The following TMEM245 variants were observed in gnomAD, a reference collection of about 807,000 sequenced individuals.
TMEM245 encodes the protein transmembrane protein 245, also known as protein CG-2.
Under a neutral mutation model 101.2 loss-of-function variants are expected in TMEM245, and 69 were observed. That is an observed-to-expected ratio of 0.68 (90% CI 0.56 to 0.83). The LOEUF (loss-of-function observed/expected upper bound fraction) is 0.83, where lower values mean the gene tolerates loss of function less well. Among genes scored for constraint, TMEM245 ranks in the 40% least tolerant of loss-of-function variants. TMEM245 has a pLI of 0.00. For synonymous variants in TMEM245, 537 were observed against 449.8 expected (o/e 1.19, Z -2.45); for missense variants, 1,075 against 1,092.8 (o/e 0.98, Z 0.23).
At chr9:109,046,027 G>A (rs563675375) in intron 14 of TMEM245, among the ~76,000 whole-genome samples, 1 of 152,146 alleles carries the variant, frequency 6.6e-6, no homozygotes, top group East Asian at 1.9e-4. Flanking sequence ...TTTACTAAAT[G>A]ATCATTGCTG....
chr9:109,032,807 C>CTTTTTTTTTT (rs568749155), intron 17 of TMEM245, among the ~76,000 whole-genome samples: 2 of 123,160 alleles, frequency 1.6e-5, no homozygotes, highest in African/African-American at 5.9e-5. Flanking sequence ...CAATATAGGT[C>CTTTTTTTTTT]TTTTTTTTTT....
At chr9:109,093,695 A>G (rs1830067025) in intron 3 of TMEM245, 104 bp from the exon 4 acceptor site, 2 of 887,834 alleles carry the variant, frequency 2.3e-6, no homozygotes, top group Non-Finnish European at 3.7e-6. Flanking sequence ...TAAAATGGTT[A>G]CTACTGACCC....
intron 9 of TMEM245, among the ~76,000 whole-genome samples, chr9:109,071,232 T>C (rs1008807031): frequency 8.5e-5 from 13 of 152,086 alleles, no homozygotes; most frequent in African/African-American, 3.1e-4. Flanking sequence ...GTATCATTAG[T>C]CCATTTTTTT....
intron 12 of TMEM245, among the ~76,000 whole-genome samples, chr9:109,053,840 T>A (rs1027542686): frequency 1.3e-5 from 2 of 152,164 alleles, no homozygotes; most frequent in Non-Finnish European, 2.9e-5. Context: ...GAGGTCTAAA[T>A]AAGGAAAAAT....
In TMEM245 at chr9:109,050,360, C is replaced by T; in HGVS notation, c.2046G>A (p.Trp682Ter). The change falls in exon 14 of 18, where the codon TGG (tryptophan) becomes TGA (stop). Residue 682 changes from tryptophan to a stop codon, truncating the protein, a stop_gained. Coordinates refer to ENST00000374586, the MANE Select transcript of TMEM245 (RefSeq NM_032012.4). LOFTEE classifies it high-confidence loss of function. The stretch of plus-strand genomic sequence containing the variant: ...GAGATAGTGGAGTCAGGCTTATCAC[C>T]CACTTCACTGGCTTGTAGTACTCAT... Reference protein sequence around the residue: ...SSDEYYKPVKWVISLTPLSQP... With the variant: ...SSDEYYKPVK 1 of 1,614,042 alleles carries T rather than the reference C, an allele frequency of 6.2e-7. No homozygotes were observed. Among genetic ancestry groups the T allele is most frequent in the Admixed American group, 1.7e-5 (1 of 59,980 alleles).
chr9:109,051,994 G>A (rs1828700491), intron 12 of TMEM245, among the ~76,000 whole-genome samples: 1 of 152,156 alleles, frequency 6.6e-6, no homozygotes, highest in African/African-American at 2.4e-5. Context: ...CGTCTACTGA[G>A]TTCAGCTGAT....
chr9:109,087,586 T>C (rs1402330015), intron 5 of TMEM245, among the ~76,000 whole-genome samples: 2 of 152,130 alleles, frequency 1.3e-5, no homozygotes, highest in Admixed American at 6.5e-5. Context: ...TGAATCCTTG[T>C]AGAGTCAGGG....
chr9:109,050,009 C>A (rs1368926415), intron 14 of TMEM245, among the ~76,000 whole-genome samples: 1 of 152,146 alleles, frequency 6.6e-6, no homozygotes, highest in Non-Finnish European at 1.5e-5. Flanking sequence ...CCAGGCTGAT[C>A]TCAGACTCCT....
At chr9:109,086,220 G>C (rs1202185245) in intron 6 of TMEM245, among the ~76,000 whole-genome samples, 200 bp from the exon 7 acceptor site, 1 of 152,166 alleles carries the variant, frequency 6.6e-6, no homozygotes, top group Non-Finnish European at 1.5e-5. Flanking sequence ...GATATATAAT[G>C]ATTGAAATGA....
chr9:109,073,101 T>C (rs1829384102), intron 9 of TMEM245: 2 of 438,082 alleles, frequency 4.6e-6, no homozygotes, highest in Non-Finnish European at 8.4e-6. Flanking sequence ...GCTTTGTAAA[T>C]TATAAACATG....
Position 109,017,596 on chromosome 9 carries a change from T to G in TMEM245, c.*2864A>C, listed in dbSNP as rs1267984231. 1 of 152,250 alleles carries G rather than the reference T, an allele frequency of 6.6e-6. No homozygotes were observed. The highest frequency in any genetic ancestry group is 1.5e-5 in the Non-Finnish European group (1 of 68,042). 9.4% of individuals were successfully genotyped at this position (152,250 alleles called of 1,614,324 possible). A position where few individuals can be genotyped will look rare whatever the true frequency, so the allele number is the denominator to read the frequency against. On this transcript the variant is annotated 3_prime_UTR_variant, in exon 18 of 18. Transcript: ENST00000374586. ...TTACAACTGAATAGCGAATGTGAAC[T>G]TGAAACTAATCTTTAATAAATCTAT... is the stretch of plus-strand genomic sequence containing the variant.
At chr9:109,059,053 T>A (rs1324876233) in intron 11 of TMEM245, among the ~76,000 whole-genome samples, 1 of 152,160 alleles carries the variant, frequency 6.6e-6, no homozygotes, top group Non-Finnish European at 1.5e-5. Context: ...CTGACCTTCC[T>A]CTACTATAAA....
intron 14 of TMEM245, among the ~76,000 whole-genome samples, chr9:109,040,739 G>A (rs1235988306): frequency 6.6e-6 from 1 of 152,156 alleles, no homozygotes; most frequent in African/African-American, 2.4e-5. Flanking sequence ...ATGCTTTTGA[G>A]CTTCACCAAC....
chr9:109,080,588 T>C (rs921052972), intron 8 of TMEM245, among the ~76,000 whole-genome samples: 3 of 152,052 alleles, frequency 2.0e-5, no homozygotes, highest in Non-Finnish European at 2.9e-5. Flanking sequence ...CATTATCTCA[T>C]TTTTTTCATT....
intron 12 of TMEM245, among the ~76,000 whole-genome samples, chr9:109,056,905 C>T (rs1211779171): frequency 6.6e-6 from 1 of 152,160 alleles, no homozygotes; most frequent in African/African-American, 2.4e-5. Flanking sequence ...TCCATCTGGT[C>T]AAGGGTCTTC....
In TMEM245 at chr9:109,020,159, C is replaced by A; in HGVS notation, c.*301G>T. On this transcript the variant is annotated 3_prime_UTR_variant, in exon 18 of 18. Coordinates refer to ENST00000374586, the MANE Select transcript of TMEM245 (RefSeq NM_032012.4). ...ATATATAATATAGTAACATAGATAA[C>A]CAAAGTGGAAAAATTTCAAGCCAGG... The A allele has an allele frequency of 3.2e-6, 1 of 317,194 alleles. No homozygotes were observed. The highest frequency in any genetic ancestry group is 6.0e-6 in the Non-Finnish European group (1 of 167,458). The allele number at this position is 317,194 out of a possible 1,614,324, so 19.6% of individuals were successfully genotyped here.
intron 5 of TMEM245, among the ~76,000 whole-genome samples, chr9:109,087,961 G>A (rs1055635052): frequency 1.1e-4 from 16 of 152,170 alleles, no homozygotes; most frequent in African/African-American, 3.1e-4. Context: ...GGCTGTGCAC[G>A]GCAACTTCAG....
chr9:109,061,136 C>T (rs1828999085), intron 10 of TMEM245, among the ~76,000 whole-genome samples: 1 of 152,156 alleles, frequency 6.6e-6, no homozygotes, highest in Non-Finnish European at 1.5e-5. Context: ...AGCAACATGG[C>T]GAAACCCCAT....
chr9:109,086,122 A>C, intron 6 of TMEM245, 102 bp from the exon 7 acceptor site: 1 of 1,286,398 alleles, frequency 7.8e-7, no homozygotes, highest in Non-Finnish European at 1.1e-6. Flanking sequence ...CATGAGAAGG[A>C]AACCATCCCA....
Sources: gnomAD v4.1 joint callset for allele counts (sites outside exome capture counted in the v4.1 genomes callset) on GRCh38, gnomAD v4.1.1 for gene constraint, MANE v1.5 for transcripts, NCBI Gene and HGNC (gene_info 2026-07-23, HGNC 2026-07-21) for gene names.